DICER1: variants seen among roughly 807,000 people sequenced by gnomAD.
The protein encoded by DICER1 is endoribonuclease Dicer.
A neutral mutation model predicts 194.1 loss-of-function variants in DICER1; 43 were observed. The observed-to-expected ratio is 0.22, with a 90% CI of 0.17 to 0.29. The LOEUF is 0.29. DICER1 is among the 10% of genes least tolerant of loss of function. The pLI is 1.00. For synonymous variants in DICER1, 832 were observed against 820.5 expected, an observed-to-expected ratio of 1.01 and a Z score of -0.24; for missense variants, 1,608 against 2,317.0, an observed-to-expected ratio of 0.69 and a Z score of 6.28.
intron 10 of DICER1, 111 bp downstream of exon 10, chr14:95,116,342 T>C (rs559497594): frequency 5.8e-5 from 76 of 1,303,094 alleles, no homozygotes; most frequent in Non-Finnish European, 7.7e-5. Flanking sequence ...TTTGAGATTA[T>C]TGCCTGTAGA....
At chr14:95,104,861 TCTCA>T (rs1340368368) in intron 20 of DICER1, among the ~76,000 whole-genome samples, 2 of 152,246 alleles carry the variant, frequency 1.3e-5, no homozygotes, top group Non-Finnish European at 2.9e-5. Context: ...ACAATTTCAT[TCTCA>T]CTCCAACTGT....
chr14:95,133,210 G>T, intron 2 of DICER1, 105 bp downstream of exon 2: 1 of 1,124,514 alleles, frequency 8.9e-7, no homozygotes, highest in Non-Finnish European at 1.3e-6. Flanking sequence ...ATCAGAAGTG[G>T]GAGGCCTGAA....
In DICER1 at chr14:95,108,067, G is replaced by T. The variant is rs1595380787; in HGVS notation, c.2463C>A (p.Arg821=). 1.9e-6 allele frequency: 3 copies of T among 1,613,634 alleles called. No individual in the cohort carries two copies. The highest frequency in any genetic ancestry group is 8.5e-7 in the Non-Finnish European group (1 of 1,179,584). ...CAATGGATATGGTAACCTCTCCAGA[G>T]CGTGTGTACACAGGAAAGTGTGGAA... ...PQIPHFPVYT[R]SGEVTISIEL... is the part of the protein sequence containing the mutation. Residue 821 remains arginine, a synonymous_variant, in exon 16 of 27, where the codon CGC becomes CGA. Coordinates refer to ENST00000343455, the MANE Select transcript of DICER1 (RefSeq NM_177438.3).
intron 22 of DICER1, among the ~76,000 whole-genome samples, chr14:95,097,736 A>C (rs1415216275): frequency 6.6e-6 from 1 of 152,216 alleles, no homozygotes; most frequent in Non-Finnish European, 1.5e-5. Context: ...AGCATTTTTT[A>C]AATACTACAA....
rs376145073 is a variant in DICER1, at chr14:95,144,380, G to A, written c.-45-10877C>T. Among the ~76,000 whole-genome samples the A allele has an allele frequency of 7.9e-5, 12 of 152,030 alleles. No homozygotes were observed. In the East Asian group the frequency reaches 2.1e-3, roughly 27 times the overall value. On this transcript the variant is annotated intron_variant, in intron 1 of 26. Coordinates refer to ENST00000343455, the MANE Select transcript of DICER1 (RefSeq NM_177438.3). ...AATGCCAGCAAGCAGTTCAGTGTCA[G>A]AATACCAAGGTTTAAATCCAGACTC... is the stretch of plus-strand genomic sequence containing the variant.
At chr14:95,117,883 CT>C in intron 8 of DICER1, 129 bp from the exon 9 acceptor site, 4 of 822,264 alleles carry the variant, frequency 4.9e-6, no homozygotes, top group Non-Finnish European at 5.8e-6. Context: ...GGTCTTGGTC[CT>C]TTTTTCCCAA....
Position 95,091,194 on chromosome 14 carries a change from C to T in DICER1, c.5527+9G>A, listed in dbSNP as rs1299714364. The T allele has an allele frequency of 6.2e-7, 1 of 1,613,984 alleles. No homozygotes were observed. The highest frequency in any genetic ancestry group is 2.2e-5 in the East Asian group (1 of 44,874). ...GGGTTTTTTTCTTTCTAAAGGGAGC[C>T]AACAATACCTATTAGTGGCCGCATC... On this transcript the variant is annotated intron_variant, in intron 25 of 26. Coordinates refer to ENST00000343455, the MANE Select transcript of DICER1 (RefSeq NM_177438.3).
Position 95,157,529 on chromosome 14 carries a change from T to G in DICER1, c.-345A>C, listed in dbSNP as rs1334377584. Reference sequence around the variant, plus strand: ...CGCACAGCCGCTTGGAGAATCCCACTGGCTCCCGCACCGCCCCTCCGCGCC... The same window carrying G: ...CGCACAGCCGCTTGGAGAATCCCACGGGCTCCCGCACCGCCCCTCCGCGCC... On this transcript the variant is annotated 5_prime_UTR_variant, in exon 1 of 27. Coordinates refer to ENST00000343455, the MANE Select transcript of DICER1 (RefSeq NM_177438.3). 6.6e-6 allele frequency: 1 copy of G among 152,432 alleles called. No homozygotes were observed. The highest frequency in any genetic ancestry group is 1.5e-5 in the Non-Finnish European group (1 of 68,270). 9.4% of individuals were successfully genotyped at this position (152,432 alleles called of 1,614,324 possible).
At chr14:95,098,746 T>C (rs1320890919) in intron 22 of DICER1, among the ~76,000 whole-genome samples, 1 of 152,252 alleles carries the variant, frequency 6.6e-6, no homozygotes, top group Non-Finnish European at 1.5e-5. Context: ...TCTAAATTAA[T>C]AACAAATAAT....
chr14:95,121,183 T>C (rs1165004107), intron 8 of DICER1, among the ~76,000 whole-genome samples: 2 of 152,026 alleles, frequency 1.3e-5, no homozygotes, highest in East Asian at 1.9e-4. Context: ...CTGAAGACTG[T>C]CAAGGTCATC....
In DICER1 at chr14:95,090,790, G is replaced by C; in HGVS notation, c.5604-127C>G. 4 of 1,200,104 alleles carry C rather than the reference G, an allele frequency of 3.3e-6. No homozygotes were observed. The South Asian group carries it at 3.7e-5, about 11-fold the overall frequency. The allele number at this position is 1,200,104 out of a possible 1,614,324, so 74.3% of individuals were successfully genotyped here. ...AGCTGACACCACACAAAGGAAACAC[G>C]CGTTACGACTTACTGCAATTGCATA... On this transcript the variant is annotated intron_variant, in intron 26 of 26. Transcript: ENST00000343455.
intron 1 of DICER1, among the ~76,000 whole-genome samples, chr14:95,153,135 T>A (rs1895621943): frequency 2.0e-5 from 3 of 151,446 alleles, no homozygotes; most frequent in Admixed American, 2.0e-4. Context: ...GAGAATGGCA[T>A]GAGCCCAGGA....
rs1170276996 is a variant in DICER1, at chr14:95,115,684, G to A, written c.1890C>T (p.Ala630=). Residue 630 remains alanine, a synonymous_variant, in exon 11 of 27, where the codon GCC becomes GCT. Coordinates refer to ENST00000343455, the MANE Select transcript of DICER1 (RefSeq NM_177438.3). ...TGCCATACCTATTGATGTGTCCAAT[G>A]GCCGTGTTGATTGTGACTCGTGGAC... ...DGGPRVTINT[A]IGHINRYCAR... 4 of 1,613,972 alleles carry A rather than the reference G, an allele frequency of 2.5e-6. No individual in the cohort carries two copies. Among genetic ancestry groups the A allele is most frequent in the Non-Finnish European group, 2.5e-6 (3 of 1,179,996 alleles).
chr14:95,135,370 G>A (rs181211520), intron 1 of DICER1, among the ~76,000 whole-genome samples: 92 of 152,284 alleles, frequency 6.0e-4, no homozygotes, highest in African/African-American at 1.9e-3. Flanking sequence ...AAAGAGGGCC[G>A]TGATGTAAAT....
chr14:95,123,727 A>G (rs2140195324), intron 8 of DICER1, among the ~76,000 whole-genome samples: 1 of 152,346 alleles, frequency 6.6e-6, no homozygotes, highest in Admixed American at 6.5e-5. Context: ...AGTTGAATCC[A>G]TATTTTTAAG....
chr14:95,157,178 C>A (rs1895948744), intron 1 of DICER1, 52 bp downstream of exon 1: 1 of 149,578 alleles, frequency 6.7e-6, no homozygotes, highest in Non-Finnish European at 1.5e-5. Flanking sequence ...CGCGGCCAGG[C>A]GACCCGCTCC....
intron 12 of DICER1, 37 bp from the exon 13 acceptor site, chr14:95,112,284 A>C: frequency 6.5e-7 from 1 of 1,534,098 alleles, no homozygotes; most frequent in Non-Finnish European, 9.0e-7. Flanking sequence ...ATATATGCAC[A>C]TCGCTGTATT....
At chr14:95,117,905 C>A (rs1595416500) in intron 8 of DICER1, 151 bp from the exon 9 acceptor site, 2 of 697,062 alleles carry the variant, frequency 2.9e-6, no homozygotes, top group East Asian at 2.7e-5. Flanking sequence ...CTTGCTTAAA[C>A]AGAAATCACT....
intron 13 of DICER1, 77 bp from the exon 14 acceptor site, chr14:95,111,533 T>C: frequency 6.8e-7 from 1 of 1,476,446 alleles, no homozygotes; most frequent in East Asian, 2.3e-5. Flanking sequence ...AACAGAACTA[T>C]GTTAGAAGGA....
Sources: gnomAD v4.1 joint callset for allele counts (sites outside exome capture counted in the v4.1 genomes callset) on GRCh38, gnomAD v4.1.1 for gene constraint, MANE v1.5 for transcripts, NCBI Gene and HGNC (gene_info 2026-07-23, HGNC 2026-07-21) for gene names.